The following DLGAP2 variants were observed in gnomAD, a reference collection of about 807,000 sequenced individuals.
DLGAP2 encodes the protein DLG associated protein 2, also known as disks large-associated protein 2.
In DLGAP2, 26 loss-of-function variants were observed where a neutral mutation model predicts 100.3. That is an observed-to-expected ratio of 0.26 (90% CI 0.19 to 0.36). The LOEUF is 0.36. Among genes scored for constraint, DLGAP2 ranks in the 10% least tolerant of loss-of-function variants. The pLI is 1.00. For synonymous variants in DLGAP2, 886 were observed against 630.1 expected (o/e 1.41, Z -6.08); for missense variants, 1,858 against 1,453.2 (o/e 1.28, Z -4.53).
intron 3 of DLGAP2, among the ~76,000 whole-genome samples, chr8:1,440,451 C>G (rs58062031): frequency 0.012 from 1,881 of 152,302 alleles, 38 homozygotes; most frequent in African/African-American, 0.042. Flanking sequence ...GCACGGCCCA[C>G]CCTGCCCGAA....
rs193017159 is a variant in DLGAP2, at chr8:1,117,791, G to A, written c.74-141060G>A. On this transcript the variant is annotated intron_variant, in intron 2 of 14. Transcript: ENST00000637795. ...AGAGCAGGCACACAGAATCACCTGC[G>A]CATTCTTGACACTCACTTGGGCTCA... Among the ~76,000 whole-genome samples the A allele has an allele frequency of 9.9e-5, 15 of 152,240 alleles. No individual in the cohort carries two copies. In the East Asian group the frequency reaches 2.5e-3, roughly 26 times the overall value.
intron 4 of DLGAP2, among the ~76,000 whole-genome samples, chr8:1,525,135 C>G (rs1390904527): frequency 6.7e-6 from 1 of 149,192 alleles, no homozygotes; most frequent in Non-Finnish European, 1.5e-5. Flanking sequence ...GTTGTTAGGT[C>G]TCCTGAGGCA....
intron 2 of DLGAP2, among the ~76,000 whole-genome samples, chr8:1,201,045 C>G (rs193292376): frequency 2.9e-3 from 443 of 152,266 alleles, no homozygotes; most frequent in Non-Finnish European, 5.1e-3. Context: ...GTGAGTGTGG[C>G]GTGAGCGGCC....
intron 1 of DLGAP2, among the ~76,000 whole-genome samples, chr8:745,554 T>G (rs1477004677): frequency 6.6e-6 from 1 of 152,226 alleles, no homozygotes; most frequent in African/African-American, 2.4e-5. Flanking sequence ...CTTCTTTACA[T>G]GTAACTATCC....
chr8:1,226,814 G>T (rs115558592), intron 2 of DLGAP2, among the ~76,000 whole-genome samples: 324 of 152,130 alleles, frequency 2.1e-3, no homozygotes, highest in African/African-American at 7.5e-3. Flanking sequence ...AAATCACTGA[G>T]ATACCACCTC....
intron 6 of DLGAP2, among the ~76,000 whole-genome samples, chr8:1,581,235 A>T (rs1021453078): frequency 4.0e-5 from 6 of 150,010 alleles, no homozygotes; most frequent in Non-Finnish European, 7.4e-5. Context: ...TACAGACAAA[A>T]CCCCGCACAT....
At chr8:1,251,931 A>C (rs952003460) in intron 2 of DLGAP2, among the ~76,000 whole-genome samples, 1 of 152,216 alleles carries the variant, frequency 6.6e-6, no homozygotes, top group Non-Finnish European at 1.5e-5. Context: ...GTTTTCCCAC[A>C]GTCATGTTGT....
chr8:1,267,608 T>TAAAATAAA (rs1205109559), intron 3 of DLGAP2, among the ~76,000 whole-genome samples: 7 of 99,022 alleles, frequency 7.1e-5, no homozygotes, highest in African/African-American at 2.9e-4. Context: ...TAAGATAAGA[T>TAAAATAAA]AAGATAAGAT....
At chr8:848,013 G>C (rs936508885) in intron 1 of DLGAP2, among the ~76,000 whole-genome samples, 18 of 152,048 alleles carry the variant, frequency 1.2e-4, no homozygotes, top group Admixed American at 1.0e-3. Flanking sequence ...TTGTTTAGTG[G>C]CACCTGCAAG....
chr8:1,410,322 G>T (rs572542183), intron 3 of DLGAP2, among the ~76,000 whole-genome samples: 1 of 152,192 alleles, frequency 6.6e-6, no homozygotes, highest in South Asian at 2.1e-4. Context: ...ATGGCTTCAC[G>T]CGTGCGGCAC....
intron 3 of DLGAP2, among the ~76,000 whole-genome samples, chr8:1,422,271 G>C (rs1797111479): frequency 6.6e-6 from 1 of 152,172 alleles, no homozygotes; most frequent in South Asian, 2.1e-4. Context: ...CAGAAGACCA[G>C]GGATAGAAAA....
intron 2 of DLGAP2, among the ~76,000 whole-genome samples, chr8:1,017,775 T>C (rs1801509581): frequency 6.6e-6 from 1 of 151,940 alleles, no homozygotes; most frequent in South Asian, 2.1e-4. Context: ...GGTAGACTCG[T>C]CTGAGTGCAA....
chr8:1,644,545 A>G (rs1797994035), intron 8 of DLGAP2, among the ~76,000 whole-genome samples: 1 of 152,248 alleles, frequency 6.6e-6, no homozygotes, highest in South Asian at 2.1e-4. Context: ...AGGAAGCGGC[A>G]GAGACGCGCT....
At chr8:1,385,878 G>T (rs569012755) in intron 3 of DLGAP2, among the ~76,000 whole-genome samples, 1 of 152,152 alleles carries the variant, frequency 6.6e-6, no homozygotes, top group East Asian at 1.9e-4. Flanking sequence ...TACCCGGCCT[G>T]TGCCCGGCCC....
chr8:999,638 C>T (rs1300402475), intron 2 of DLGAP2, among the ~76,000 whole-genome samples: 1 of 151,996 alleles, frequency 6.6e-6, no homozygotes, highest in Admixed American at 6.6e-5. Context: ...GCCATCATGC[C>T]TGGCTCATTT....
chr8:1,181,847 C>T (rs1797395708), intron 2 of DLGAP2, among the ~76,000 whole-genome samples: 1 of 152,154 alleles, frequency 6.6e-6, no homozygotes. Context: ...CACCTTCCTC[C>T]CTGCACGGCA....
chr8:1,183,110 G>C (rs17065748), intron 2 of DLGAP2, among the ~76,000 whole-genome samples: 11,910 of 152,064 alleles, frequency 0.078, 1,386 homozygotes, highest in African/African-American at 0.25. Flanking sequence ...ATTCACGTTC[G>C]ATTCCCTCGA....
At chr8:1,431,069 T>C (rs1295151894) in intron 3 of DLGAP2, among the ~76,000 whole-genome samples, 4 of 152,222 alleles carry the variant, frequency 2.6e-5, no homozygotes, top group Non-Finnish European at 5.9e-5. Flanking sequence ...AAAATGTGCC[T>C]GCAAACTGTA....
At chr8:1,454,372 T>G (rs1798246791) in intron 3 of DLGAP2, among the ~76,000 whole-genome samples, 1 of 152,000 alleles carries the variant, frequency 6.6e-6, no homozygotes, top group Admixed American at 6.5e-5. Context: ...TTTTTTATCT[T>G]TTCTCTACAC....
Sources: gnomAD v4.1 joint callset for allele counts (sites outside exome capture counted in the v4.1 genomes callset) on GRCh38, gnomAD v4.1.1 for gene constraint, MANE v1.5 for transcripts, NCBI Gene and HGNC (gene_info 2026-07-23, HGNC 2026-07-21) for gene names.